HIBCH: variants seen among roughly 807,000 people sequenced by gnomAD.
HIBCH encodes the protein 3-hydroxyisobutyryl-CoA hydrolase, mitochondrial.
A neutral mutation model predicts 58.2 loss-of-function variants in HIBCH; 50 were observed. The observed-to-expected ratio is 0.86, with a 90% CI of 0.68 to 1.09. HIBCH has a LOEUF of 1.09. Among genes scored for constraint, HIBCH ranks in the 50% least tolerant of loss-of-function variants. The probability of loss-of-function intolerance (pLI) is 0.00; values close to 1 mark genes in which losing one functional copy is unlikely to be tolerated. For synonymous variants in HIBCH, 151 were observed against 146.9 expected (o/e 1.03, Z -0.20); for missense variants, 450 against 449.7 (o/e 1.00, Z -0.01).
chr2:190,208,837 A>T (rs1172616661), intron 13 of HIBCH, 43 bp downstream of exon 13: 1 of 1,574,520 alleles, frequency 6.4e-7, no homozygotes, highest in Admixed American at 1.7e-5. Context: ...TATGCTCACA[A>T]ATCCCATTTC....
Position 190,249,672 on chromosome 2 carries a change from T to G in HIBCH, c.718A>C (p.Ile240Leu). The change falls in exon 9 of 14, where the codon ATT becomes CTT. Residue 240 changes from isoleucine to leucine, a missense_variant. Ile to Leu is a conservative substitution (Grantham distance 5). Coordinates refer to ENST00000359678, the MANE Select transcript of HIBCH (RefSeq NM_014362.4). ...TGGTAATTTTCTAAGACAGATGCAATATTTTCTTTTGAAGGAGATTTCAAG... is the reference window on the plus strand; with the variant it reads ...TGGTAATTTTCTAAGACAGATGCAAGATTTTCTTTTGAAGGAGATTTCAAG... ...LALKSPSKEN[I>L]ASVLENYHTE... 6.2e-7 allele frequency: 1 copy of G among 1,606,764 alleles called. No individual in the cohort carries two copies. Among genetic ancestry groups the G allele is most frequent in the Middle Eastern group, 1.7e-4 (1 of 5,944 alleles).
At chr2:190,235,385 T>C (rs750513132) in intron 11 of HIBCH, among the ~76,000 whole-genome samples, 5 of 152,208 alleles carry the variant, frequency 3.3e-5, no homozygotes, top group Non-Finnish European at 7.3e-5. Context: ...AACAGTTTGT[T>C]GTTTACTCAT....
At chr2:190,212,828 G>GT in intron 12 of HIBCH, 128 bp downstream of exon 12, 1 of 801,680 alleles carries the variant, frequency 1.2e-6, no homozygotes, top group Non-Finnish European at 2.0e-6. Context: ...GGCCTGTTGT[G>GT]TTTTTGTAGA....
Position 190,304,921 on chromosome 2 carries a change from T to C in HIBCH, c.78+5833A>G, listed in dbSNP as rs1177207632. ...ATTTATAAGACACAGTATGCTTTAGTAAAAAAAGTGTTAGAATTGAAGCAC... is the reference window on the plus strand; with the variant it reads ...ATTTATAAGACACAGTATGCTTTAGCAAAAAAAGTGTTAGAATTGAAGCAC... On this transcript the variant is annotated intron_variant, in intron 2 of 13. Coordinates refer to ENST00000359678, the MANE Select transcript of HIBCH (RefSeq NM_014362.4). This position sits in a 1 kb window ranked among gnomAD's most constrained non-coding sequence, Gnocchi z 4.1. Among the ~76,000 whole-genome samples the C allele has an allele frequency of 2.6e-5, 4 of 152,072 alleles. No homozygotes were observed. The highest frequency in any genetic ancestry group is 5.9e-5 in the Non-Finnish European group (4 of 68,000).
chr2:190,294,020 GTGTATA>G (rs1303474023), intron 4 of HIBCH, among the ~76,000 whole-genome samples: 10,455 of 125,658 alleles, frequency 0.083, 501 homozygotes, highest in Middle Eastern at 0.16. Context: ...TATATTTTGT[GTGTATA>G]TATATATATA....
intron 6 of HIBCH, among the ~76,000 whole-genome samples, chr2:190,271,306 TGA>T (rs1687394058): frequency 8.1e-6 from 1 of 123,878 alleles, no homozygotes; most frequent in African/African-American, 3.0e-5. Context: ...TTTTTTTTTT[TGA>T]GAGGGAGTCT....
At chr2:190,199,738 TA>T, downstream of HIBCH, 1 of 1,501,148 alleles carries the variant, frequency 6.7e-7, no homozygotes, top group South Asian at 1.4e-5. Context: ...GAACATTGAT[TA>T]CTGAAGTGCC....
At chr2:190,278,879 G>A (rs556899552) in intron 6 of HIBCH, among the ~76,000 whole-genome samples, 2 of 152,136 alleles carry the variant, frequency 1.3e-5, no homozygotes, top group African/African-American at 2.4e-5. Context: ...AAGGTTGAGC[G>A]CCAATGATCT....
At chr2:190,266,680 C>T (rs923872495) in intron 6 of HIBCH, among the ~76,000 whole-genome samples, 7 of 149,246 alleles carry the variant, frequency 4.7e-5, no homozygotes, top group Admixed American at 6.7e-5. Flanking sequence ...GTGACGCGCC[C>T]GCCTCGGCCT....
downstream of HIBCH, chr2:190,202,760 G>C (rs999517600): frequency 6.0e-6 from 1 of 167,010 alleles, no homozygotes; most frequent in Non-Finnish European, 1.5e-5. Flanking sequence ...ACAACAAAGA[G>C]CCTCCAGGTG....
intron 1 of HIBCH, among the ~76,000 whole-genome samples, chr2:190,314,409 ATGTG>A (rs1244652232): frequency 6.7e-6 from 1 of 148,566 alleles, no homozygotes; most frequent in Non-Finnish European, 1.5e-5. Flanking sequence ...ATACGTATAT[ATGTG>A]TATATATATA....
intron 6 of HIBCH, among the ~76,000 whole-genome samples, chr2:190,278,926 C>T (rs1234711749): frequency 1.3e-5 from 2 of 152,170 alleles, no homozygotes; most frequent in Non-Finnish European, 1.5e-5. Flanking sequence ...GTTCATAAAA[C>T]ATCTTATATT....
intron 3 of HIBCH, 97 bp downstream of exon 3, chr2:190,296,716 G>C: frequency 8.8e-7 from 1 of 1,132,736 alleles, no homozygotes; most frequent in Non-Finnish European, 1.3e-6. Context: ...GCATATCCCA[G>C]AGAATTATGT....
In HIBCH at chr2:190,197,225, T is replaced by C. The variant is rs964661435; in HGVS notation, c.*18-7228A>G. Among the ~76,000 whole-genome samples, 3 of 152,194 alleles carry C rather than the reference T, an allele frequency of 2.0e-5. No individual in the cohort carries two copies. Among genetic ancestry groups the C allele is most frequent in the Non-Finnish European group, 4.4e-5 (3 of 68,020 alleles). The stretch of plus-strand genomic sequence containing the variant: ...CTCACAAGCCTAAGTCATAGCCCTT[T>C]AAGAAAACACTTGCCAAACCTTGTT... On this transcript the variant is annotated intron_variant, in intron 1 of 1. Coordinates refer to the HIBCH transcript ENST00000399855. This position sits in a 1 kb window ranked among gnomAD's most constrained non-coding sequence, Gnocchi z 4.0.
At chr2:190,287,703 A>G (rs2105982053) in intron 5 of HIBCH, 65 bp from the exon 6 acceptor site, 1 of 1,213,662 alleles carries the variant, frequency 8.2e-7, no homozygotes, top group Middle Eastern at 2.0e-4. Context: ...TTCTTAAAAA[A>G]AAACCCACAT....
intron 11 of HIBCH, chr2:190,213,985 G>T (rs920349099): frequency 6.6e-6 from 1 of 152,168 alleles, no homozygotes; most frequent in Non-Finnish European, 1.5e-5. Context: ...CCATTCTGTG[G>T]GTTTGGACGG....
chr2:190,318,904 C>A (rs1330352291), intron 1 of HIBCH, among the ~76,000 whole-genome samples: 1 of 152,216 alleles, frequency 6.6e-6, no homozygotes, highest in African/African-American at 2.4e-5. Context: ...CATCTAGACA[C>A]TTTCCCCTGA....
intron 6 of HIBCH, among the ~76,000 whole-genome samples, chr2:190,274,466 T>C (rs1163787130): frequency 1.3e-5 from 2 of 152,252 alleles, no homozygotes; most frequent in African/African-American, 4.8e-5. Flanking sequence ...ATACGCTCAT[T>C]ATTTTTATTC....
chr2:190,212,526 T>C (rs2105901409), intron 12 of HIBCH, among the ~76,000 whole-genome samples: 1 of 152,334 alleles, frequency 6.6e-6, no homozygotes, highest in South Asian at 2.1e-4. Flanking sequence ...ATAATGCTCA[T>C]TATTTTAAAC....
Sources: allele counts gnomAD v4.1 joint callset (sites outside exome capture counted in the v4.1 genomes callset), GRCh38; gene constraint gnomAD v4.1.1; non-coding constraint Gnocchi (gnomAD v3.1); transcripts MANE v1.5; gene names NCBI Gene and HGNC (gene_info 2026-07-23, HGNC 2026-07-21).